GPAT3: variants seen among roughly 807,000 people sequenced by gnomAD.
The protein encoded by GPAT3 is glycerol-3-phosphate acyltransferase 3.
In GPAT3, 53 loss-of-function variants were observed where a neutral mutation model predicts 58.8. The observed-to-expected ratio is 0.90, with a 90% CI of 0.72 to 1.13. The LOEUF (loss-of-function observed/expected upper bound fraction) is 1.13, where lower values mean the gene tolerates loss of function less well. GPAT3 is among the 50% of genes most tolerant of loss of function. The probability of loss-of-function intolerance (pLI) is 0.00; values close to 1 mark genes in which losing one functional copy is unlikely to be tolerated. For synonymous variants in GPAT3, 197 were observed against 187.4 expected (o/e 1.05, Z -0.42); for missense variants, 511 against 527.6 (o/e 0.97, Z 0.31).
At chr4:83,581,538 C>T (rs1726124900) in intron 2 of GPAT3, 24 bp from the exon 3 acceptor site, 2 of 1,602,222 alleles carry the variant, frequency 1.2e-6, no homozygotes, top group African/African-American at 1.3e-5. Flanking sequence ...GGCATTTTCT[C>T]ATGTCCTGAT....
chr4:83,541,425 G>C (rs535863327), intron 1 of GPAT3, among the ~76,000 whole-genome samples: 1 of 124,026 alleles, frequency 8.1e-6, no homozygotes, highest in African/African-American at 2.9e-5. Context: ...TAGAGACAAG[G>C]TTTCACCCTG....
Position 83,605,490 on chromosome 4 carries a change from C to A in GPAT3, c.*723C>A, listed in dbSNP as rs191821273. On this transcript the variant is annotated 3_prime_UTR_variant, in exon 12 of 12. Coordinates refer to ENST00000264409, the MANE Select transcript of GPAT3 (RefSeq NM_032717.5). The stretch of plus-strand genomic sequence containing the variant: ...TGTAGATCTGTACCTAGTACCCCTC[C>A]CATCTACTGATTTGTTTGTTTTTGT... 3.3e-5 allele frequency: 5 copies of A among 152,396 alleles called. No homozygotes were observed. The East Asian group carries it at 9.6e-4, about 29-fold the overall frequency. The allele number at this position is 152,396 out of a possible 1,614,324, so 9.4% of individuals were successfully genotyped here.
At chr4:83,590,051 C>G in intron 5 of GPAT3, 148 bp from the exon 6 acceptor site, 1 of 591,348 alleles carries the variant, frequency 1.7e-6, no homozygotes, top group Admixed American at 3.4e-5. Context: ...CAAGATTGCA[C>G]CAATGCACTC....
At chr4:83,559,524 G>T (rs1192469511) in intron 2 of GPAT3, among the ~76,000 whole-genome samples, 1 of 152,042 alleles carries the variant, frequency 6.6e-6, no homozygotes, top group Non-Finnish European at 1.5e-5. Flanking sequence ...GGGTTTCACT[G>T]TGTTGCCCTG....
intron 2 of GPAT3, among the ~76,000 whole-genome samples, chr4:83,574,040 A>G (rs1467512361): frequency 6.6e-6 from 1 of 152,162 alleles, no homozygotes; most frequent in Non-Finnish European, 1.5e-5. Flanking sequence ...TGCTATTACT[A>G]ATCTGTGATC....
At chr4:83,581,519 C>T (rs769591528) in intron 2 of GPAT3, 43 bp from the exon 3 acceptor site, 1 of 1,575,982 alleles carries the variant, frequency 6.3e-7, no homozygotes, top group South Asian at 1.2e-5. Context: ...GTCAATTCTT[C>T]TGTCGTATGG....
intron 2 of GPAT3, among the ~76,000 whole-genome samples, chr4:83,565,514 T>G (rs1282241858): frequency 6.6e-6 from 1 of 152,168 alleles, no homozygotes; most frequent in Admixed American, 6.5e-5. Context: ...TGTTTGTTTT[T>G]TTGAGACAGA....
intron 3 of GPAT3, among the ~76,000 whole-genome samples, chr4:83,582,308 G>A (rs561119384): frequency 5.9e-5 from 9 of 152,340 alleles, no homozygotes; most frequent in South Asian, 2.1e-4. Flanking sequence ...GAGCCATTTC[G>A]AAGTGTGTTT....
Position 83,585,876 on chromosome 4 carries a change from T to C in GPAT3, c.480-1379T>C, listed in dbSNP as rs115307606. The stretch of plus-strand genomic sequence containing the variant: ...TGCTGGGATTGTAGCCGTGAGACAC[T>C]GCTTATTTCTCTTGTTTTAAATAAT... On this transcript the variant is annotated intron_variant, in intron 3 of 11. Coordinates refer to ENST00000264409, the MANE Select transcript of GPAT3 (RefSeq NM_032717.5). 5.3e-3 allele frequency among the ~76,000 whole-genome samples: 809 copies of C among 152,300 alleles called. 7 individuals carry two copies. The highest frequency in any genetic ancestry group is 0.018 in the African/African-American group (739 of 41,560).
chr4:83,547,237 T>C (rs1171387387), intron 2 of GPAT3, among the ~76,000 whole-genome samples: 1 of 150,144 alleles, frequency 6.7e-6, no homozygotes, highest in East Asian at 1.9e-4. Context: ...AAAACTTCCT[T>C]CTACTGCTCT....
intron 3 of GPAT3, among the ~76,000 whole-genome samples, chr4:83,583,694 A>T (rs916946425): frequency 6.6e-6 from 1 of 150,376 alleles, no homozygotes; most frequent in Non-Finnish European, 1.5e-5. Flanking sequence ...AAAAAAAAAA[A>T]AAATGAAGCT....
At chr4:83,596,826 A>G in intron 7 of GPAT3, 32 bp from the exon 8 acceptor site, 1 of 1,565,668 alleles carries the variant, frequency 6.4e-7, no homozygotes, top group Non-Finnish European at 8.8e-7. Context: ...CTCTTTATAA[A>G]GGCAGAATTT....
At chr4:83,576,652 C>T (rs1336440680) in intron 2 of GPAT3, among the ~76,000 whole-genome samples, 1 of 151,970 alleles carries the variant, frequency 6.6e-6, no homozygotes, top group African/African-American at 2.4e-5. Flanking sequence ...GCATGTTGGC[C>T]AGGCTGGTCT....
At chr4:83,595,066 C>A in intron 7 of GPAT3, 106 bp downstream of exon 7, 2 of 918,936 alleles carry the variant, frequency 2.2e-6, no homozygotes, top group Non-Finnish European at 3.4e-6. Context: ...AAAACTGAAA[C>A]AGAGCCCTGT....
At chr4:83,535,841 A>T, upstream of GPAT3, 1 of 985,488 alleles carries the variant, frequency 1.0e-6, no homozygotes, top group Non-Finnish European at 1.2e-6. Context: ...TTACACCCAC[A>T]CAAACAAGAC....
intron 2 of GPAT3, 91 bp downstream of exon 2, chr4:83,544,693 G>A (rs1724442186): frequency 1.6e-6 from 2 of 1,237,126 alleles, no homozygotes. Context: ...GCAGAGAGCA[G>A]TGTGTTCTAT....
intron 2 of GPAT3, among the ~76,000 whole-genome samples, chr4:83,545,942 T>C (rs192556981): frequency 6.6e-6 from 1 of 152,260 alleles, no homozygotes; most frequent in Non-Finnish European, 1.5e-5. Context: ...GGGCCATGAA[T>C]TTTAATTTAA....
rs775978881 is a variant in GPAT3 at position 83,581,639 on chromosome 4, G to A, written c.286G>A (p.Val96Met). ...LRGRDFELSD[V>M]FYFSKKGLEA... ...AGGAAGGGACTTTGAGCTGTCTGAC[G>A]TGTTTTATTTCTCCAAGAAGGGATT... The change falls in exon 3 of 12, where the codon GTG becomes ATG. Residue 96 changes from valine to methionine, a missense_variant. Physicochemically the swap from Val to Met is conservative, Grantham distance 21 (BLOSUM62 1). Transcript: ENST00000264409. The A allele has an allele frequency of 6.2e-6, 10 of 1,614,116 alleles. No homozygotes were observed. The East Asian group carries it at 6.7e-5, about 11-fold the overall frequency.
intron 6 of GPAT3, 68 bp from the exon 7 acceptor site, chr4:83,594,777 G>A (rs1726748293): frequency 2.4e-6 from 3 of 1,261,770 alleles, no homozygotes; most frequent in Admixed American, 3.7e-5. Flanking sequence ...AAATTTGTTG[G>A]TACTTAAAAA....
Sources: allele counts gnomAD v4.1 joint callset (sites outside exome capture counted in the v4.1 genomes callset), GRCh38; gene constraint gnomAD v4.1.1; transcripts MANE v1.5; gene names NCBI Gene and HGNC (gene_info 2026-07-23, HGNC 2026-07-21).